Variants in CNTNAP5 observed in about 807,000 individuals in gnomAD.
CNTNAP5 encodes the protein contactin associated protein family member 5.
In CNTNAP5, 72 loss-of-function variants were observed where a neutral mutation model predicts 150.2. That is an observed-to-expected ratio of 0.48 (90% CI 0.40 to 0.58). The LOEUF (loss-of-function observed/expected upper bound fraction) is 0.58, where lower values mean the gene tolerates loss of function less well. Among genes scored for constraint, CNTNAP5 ranks in the 20% least tolerant of loss-of-function variants. The pLI is 0.00. For missense variants in CNTNAP5, 1,636 were observed against 1,626.2 expected (o/e 1.01, Z -0.10); for synonymous variants, 672 against 619.8 (o/e 1.08, Z -1.25).
At chr2:124,591,975 A>C (rs1318673483) in intron 11 of CNTNAP5, among the ~76,000 whole-genome samples, 3 of 152,180 alleles carry the variant, frequency 2.0e-5, no homozygotes, top group Non-Finnish European at 4.4e-5. Context: ...ACATTAGCAT[A>C]GTATACATGC....
chr2:124,727,312 C>T (rs1181040166), intron 13 of CNTNAP5, among the ~76,000 whole-genome samples: 1 of 151,808 alleles, frequency 6.6e-6, no homozygotes, highest in Non-Finnish European at 1.5e-5. Context: ...TATTCAGGGT[C>T]TTTTGTGGTT....
chr2:124,812,705 C>T (rs1213189866), intron 19 of CNTNAP5, among the ~76,000 whole-genome samples: 3 of 152,030 alleles, frequency 2.0e-5, no homozygotes, highest in Admixed American at 6.6e-5. Context: ...CTACCTATAA[C>T]CTGGAAGCCC....
chr2:124,114,246 A>G (rs905695886), intron 1 of CNTNAP5, among the ~76,000 whole-genome samples: 2 of 152,056 alleles, frequency 1.3e-5, no homozygotes, highest in African/African-American at 2.4e-5. Context: ...TCATGAATCA[A>G]TGAAACTGGT....
chr2:124,733,776 T>C (rs1680324223), intron 13 of CNTNAP5, among the ~76,000 whole-genome samples: 1 of 152,142 alleles, frequency 6.6e-6, no homozygotes, highest in Non-Finnish European at 1.5e-5. Context: ...GTTGAGTGCA[T>C]GTGTGCAGAG....
chr2:124,328,127 A>C (rs1360894809), intron 3 of CNTNAP5, among the ~76,000 whole-genome samples: 1 of 151,840 alleles, frequency 6.6e-6, no homozygotes, highest in Non-Finnish European at 1.5e-5. Flanking sequence ...TGTTTAATTC[A>C]GGTCCTACAA....
At chr2:124,471,300 T>C (rs898222024) in intron 6 of CNTNAP5, among the ~76,000 whole-genome samples, 1 of 152,146 alleles carries the variant, frequency 6.6e-6, no homozygotes, top group African/African-American at 2.4e-5. Context: ...GTTAGCTATA[T>C]TTCTATGTAT....
chr2:124,120,562 A>T (rs1162035406), intron 1 of CNTNAP5, among the ~76,000 whole-genome samples: 1 of 152,196 alleles, frequency 6.6e-6, no homozygotes, highest in Non-Finnish European at 1.5e-5. Context: ...TAATCAGCTA[A>T]TTTTATAGAT....
chr2:124,844,037 GC>G (rs1345921661), intron 19 of CNTNAP5, among the ~76,000 whole-genome samples: 4 of 151,812 alleles, frequency 2.6e-5, no homozygotes, highest in Non-Finnish European at 4.4e-5. Context: ...ATTTATATTT[GC>G]TTTTCTTGCA....
At chr2:124,643,500 C>CT (rs1277787082) in intron 12 of CNTNAP5, among the ~76,000 whole-genome samples, 1 of 151,784 alleles carries the variant, frequency 6.6e-6, no homozygotes, top group Non-Finnish European at 1.5e-5. Context: ...AAAAAAAAAA[C>CT]TTAACAAGGT....
At chr2:124,530,234 C>G (rs1312115546) in intron 10 of CNTNAP5, among the ~76,000 whole-genome samples, 1 of 152,142 alleles carries the variant, frequency 6.6e-6, no homozygotes, top group African/African-American at 2.4e-5. Flanking sequence ...CCCTTGAACC[C>G]AGGAGATGGA....
In CNTNAP5 at chr2:124,521,319, C is replaced by T. The variant is rs149361302; in HGVS notation, c.1328-2984C>T. ...CACAGAGCTAAACTTTTCACCCAGG[C>T]TCCCACTGCAGGCATTGGGGAACAT... On this transcript the variant is annotated intron_variant, in intron 8 of 23. Coordinates refer to ENST00000682447, the MANE Select transcript of CNTNAP5 (RefSeq NM_001367498.1). Among the ~76,000 whole-genome samples the T allele has an allele frequency of 2.0e-5, 3 of 152,280 alleles. No individual in the cohort carries two copies. In the East Asian group the frequency reaches 5.8e-4, roughly 29 times the overall value.
intron 19 of CNTNAP5, among the ~76,000 whole-genome samples, chr2:124,808,115 C>T (rs1682120198): frequency 6.6e-6 from 1 of 152,160 alleles, no homozygotes; most frequent in African/African-American, 2.4e-5. Flanking sequence ...CCACTGTCAA[C>T]TGAAATGCTG....
At chr2:124,363,062 T>C (rs1690261749) in intron 3 of CNTNAP5, among the ~76,000 whole-genome samples, 1 of 152,214 alleles carries the variant, frequency 6.6e-6, no homozygotes, top group Admixed American at 6.5e-5. Flanking sequence ...AACACACAAG[T>C]AAGTTTCACT....
intron 3 of CNTNAP5, among the ~76,000 whole-genome samples, chr2:124,284,230 T>C (rs1399292418): frequency 6.6e-6 from 1 of 152,154 alleles, no homozygotes; most frequent in Non-Finnish European, 1.5e-5. Context: ...GTTTTGTTAA[T>C]AGTTCCAAAA....
At chr2:124,447,000 T>A in intron 6 of CNTNAP5, 63 bp downstream of exon 6, 1 of 1,518,496 alleles carries the variant, frequency 6.6e-7, no homozygotes, top group Non-Finnish European at 9.0e-7. Context: ...AGCAAGAAAA[T>A]CAGTGAGCAG....
chr2:124,510,951 T>A (rs1235529506), intron 8 of CNTNAP5, among the ~76,000 whole-genome samples: 1 of 152,182 alleles, frequency 6.6e-6, no homozygotes, highest in Non-Finnish European at 1.5e-5. Flanking sequence ...CCCAGTTCTT[T>A]CTTACTTTTC....
At chr2:124,887,309 C>T (rs1187058049) in intron 21 of CNTNAP5, among the ~76,000 whole-genome samples, 1 of 151,998 alleles carries the variant, frequency 6.6e-6, no homozygotes, top group Admixed American at 6.6e-5. Context: ...CTATGTGTTT[C>T]ATAATACACT....
At chr2:124,450,115 C>A (rs1390257284) in intron 6 of CNTNAP5, among the ~76,000 whole-genome samples, 1 of 151,992 alleles carries the variant, frequency 6.6e-6, no homozygotes, top group Non-Finnish European at 1.5e-5. Flanking sequence ...TTCTGCCATG[C>A]GTCCATATGT....
At chr2:124,451,077 T>C (rs2968544) in intron 6 of CNTNAP5, among the ~76,000 whole-genome samples, 25,755 of 61,600 alleles carry the variant, frequency 0.42, 5,794 homozygotes, top group South Asian at 0.47. Context: ...TATATATATA[T>C]ACACACACAC....
Sources: gnomAD v4.1 joint callset for allele counts (sites outside exome capture counted in the v4.1 genomes callset) on GRCh38, gnomAD v4.1.1 for gene constraint, MANE v1.5 for transcripts, NCBI Gene and HGNC (gene_info 2026-07-23, HGNC 2026-07-21) for gene names.